Variants in TMPRSS7 observed in about 807,000 individuals in gnomAD.
TMPRSS7 encodes transmembrane protease serine 7.
Under a neutral mutation model 95.6 loss-of-function variants are expected in TMPRSS7, and 81 were observed. The ratio of observed to expected loss-of-function variants is 0.85; its 90% CI spans 0.71 to 1.02. TMPRSS7 has a LOEUF of 1.02. Ranked by LOEUF, TMPRSS7 falls within the 50% of genes least tolerant of loss-of-function variation. TMPRSS7 has a pLI of 0.00. For missense variants in TMPRSS7, 945 were observed against 955.2 expected (o/e 0.99, Z 0.14); for synonymous variants, 364 against 337.8 (o/e 1.08, Z -0.85).
At chr3:112,049,193 A>T (rs549119392) in intron 7 of TMPRSS7, among the ~76,000 whole-genome samples, 1 of 152,258 alleles carries the variant, frequency 6.6e-6, no homozygotes, top group African/African-American at 2.4e-5. Context: ...CTTCATCGAG[A>T]TAAGGGGTAG....
intron 7 of TMPRSS7, 114 bp downstream of exon 7, chr3:112,048,081 GAGGTCAATGGCTGACCCGTGCCCT>G (rs1338699325): frequency 1.1e-6 from 1 of 886,022 alleles, no homozygotes; most frequent in Non-Finnish European, 1.7e-6. Context: ...GTGCACACAT[GAGGTCAATGGCTGACCCGTGCCCT>G]ATTTAGTATC....
At chr3:112,042,857 G>A (rs1450825329) in intron 3 of TMPRSS7, 2 of 351,732 alleles carry the variant, frequency 5.7e-6, no homozygotes, top group Admixed American at 6.7e-5. Flanking sequence ...AAATAGAAAA[G>A]TATCTATTCA....
rs192774380 is a variant in TMPRSS7 at position 112,078,696 on chromosome 3, C to T, written c.2225-46C>T. ...TTTCAAATGAAGTCCTGAATACATG[C>T]GGCCATTACCACTAACATCATTTCT... On this transcript the variant is annotated intron_variant, in intron 16 of 17. Transcript: ENST00000452346. 5.2e-4 allele frequency: 842 copies of T among 1,609,620 alleles called. 2 individuals carry two copies. The highest frequency in any genetic ancestry group is 4.2e-4 in the Non-Finnish European group (490 of 1,176,896).
At chr3:112,067,172 T>C (rs1295358722) in intron 13 of TMPRSS7, among the ~76,000 whole-genome samples, 1 of 152,240 alleles carries the variant, frequency 6.6e-6, no homozygotes, top group Non-Finnish European at 1.5e-5. Flanking sequence ...TCCTTTTTTA[T>C]GGCTGCATAG....
At chr3:112,068,968 A>T (rs968484692) in intron 13 of TMPRSS7, among the ~76,000 whole-genome samples, 1 of 152,214 alleles carries the variant, frequency 6.6e-6, no homozygotes, top group Non-Finnish European at 1.5e-5. Flanking sequence ...TTTGTCATAA[A>T]TAGCTCTTAT....
intron 16 of TMPRSS7, 62 bp downstream of exon 16, chr3:112,077,206 G>A (rs768213637): frequency 2.2e-5 from 34 of 1,552,790 alleles, no homozygotes; most frequent in African/African-American, 4.1e-5. Flanking sequence ...TGTTTATGTA[G>A]TGCTTTAGGG....
intron 17 of TMPRSS7, 32 bp downstream of exon 17, chr3:112,078,910 T>C (rs1187303193): frequency 2.5e-6 from 4 of 1,606,344 alleles, no homozygotes; most frequent in Non-Finnish European, 3.4e-6. Flanking sequence ...TTGCCTAACA[T>C]GTTGTGCTTT....
At chr3:112,062,747 T>A (rs340143) in intron 11 of TMPRSS7, among the ~76,000 whole-genome samples, 113,397 of 152,102 alleles carry the variant, frequency 0.75, 42,475 homozygotes, top group East Asian at 0.91. Context: ...ATTTTCCAGC[T>A]TCTCATCCAT....
At chr3:112,037,339 A>C (rs2073156691) in intron 1 of TMPRSS7, among the ~76,000 whole-genome samples, 1 of 152,218 alleles carries the variant, frequency 6.6e-6, no homozygotes, top group African/African-American at 2.4e-5. Context: ...ATGCAGTTGC[A>C]GATAAGGGAT....
At chr3:112,044,116 G>T in intron 3 of TMPRSS7, 139 bp from the exon 4 acceptor site, 2 of 591,318 alleles carry the variant, frequency 3.4e-6, no homozygotes, top group Non-Finnish European at 3.0e-6. Context: ...ATAATGCCGG[G>T]GTGTGGAGTT....
At chr3:112,073,216 C>T (rs973393781) in intron 13 of TMPRSS7, among the ~76,000 whole-genome samples, 4 of 151,874 alleles carry the variant, frequency 2.6e-5, no homozygotes, top group Admixed American at 6.6e-5. Context: ...CTCAGCCTCC[C>T]GAGTAGCTGG....
At chr3:112,081,028 ACAAGGGTGT>A in exon 18 of TMPRSS7, 1 of 1,613,720 alleles carries the variant, frequency 6.2e-7, no homozygotes, top group Middle Eastern at 1.6e-4. Context: ...TGGTGTTTAC[ACAAGGGTGT>A]CAAACTTTGT....
At chr3:112,050,521 T>TAAAAAAAAAAAAAA (rs2073330874) in intron 8 of TMPRSS7, 150 bp from the exon 9 acceptor site, 2 of 67,392 alleles carry the variant, frequency 3.0e-5, no homozygotes, top group Non-Finnish European at 2.6e-5. Context: ...TCCTTTCTTC[T>TAAAAAAAAAAAAAA]GAAAAAAAAA....
intron 14 of TMPRSS7, 104 bp from the exon 15 acceptor site, chr3:112,075,217 A>C: frequency 8.3e-7 from 1 of 1,199,710 alleles, no homozygotes; most frequent in Non-Finnish European, 1.1e-6. Context: ...GAGATTTCAA[A>C]TTGCTACCTA....
intron 13 of TMPRSS7, among the ~76,000 whole-genome samples, chr3:112,071,521 G>T (rs1274262657): frequency 6.6e-6 from 1 of 152,164 alleles, no homozygotes; most frequent in Non-Finnish European, 1.5e-5. Flanking sequence ...AGTTCTCATG[G>T]ATAATATCCT....
chr3:112,049,853 A>G, exon 8 of TMPRSS7: 3 of 1,515,304 alleles, frequency 2.0e-6, no homozygotes, highest in East Asian at 2.3e-5. Flanking sequence ...GAATTTGTGA[A>G]CCCACAAGAA....
chr3:112,047,766 C>T (rs772050536), exon 7 of TMPRSS7: 1 of 1,613,562 alleles, frequency 6.2e-7, no homozygotes, highest in Admixed American at 1.7e-5. Flanking sequence ...TACTTCTATG[C>T]AGAGCATCTG....
exon 18 of TMPRSS7, chr3:112,081,126 G>T: frequency 1.3e-6 from 2 of 1,558,864 alleles, no homozygotes; most frequent in Non-Finnish European, 8.7e-7. Flanking sequence ...GTTAAAAATA[G>T]ATACTTTAAA....
chr3:112,078,459 G>A (rs1464138325), intron 16 of TMPRSS7, among the ~76,000 whole-genome samples: 3 of 152,218 alleles, frequency 2.0e-5, no homozygotes, highest in African/African-American at 7.2e-5. Context: ...CGGAAAACAG[G>A]AGGGAAATGG....
Sources: gnomAD v4.1 joint callset for allele counts (sites outside exome capture counted in the v4.1 genomes callset) on GRCh38, gnomAD v4.1.1 for gene constraint, MANE v1.5 for transcripts, NCBI Gene and HGNC (gene_info 2026-07-23, HGNC 2026-07-21) for gene names.